DAB1: variants seen among roughly 807,000 people sequenced by gnomAD.
The protein encoded by DAB1 is disabled homolog 1.
DAB1 carries 15 observed loss-of-function variants against 64.6 expected under a neutral mutation model. The ratio of observed to expected loss-of-function variants is 0.23; its 90% CI spans 0.16 to 0.36. DAB1 has a LOEUF of 0.36. Among genes scored for constraint, DAB1 ranks in the 10% least tolerant of loss-of-function variants. The pLI is 1.00. For missense variants in DAB1, 596 were observed against 706.7 expected (o/e 0.84, Z 1.78); for synonymous variants, 235 against 251.9 (o/e 0.93, Z 0.64).
At chr1:58,523,354 A>G (rs1297829110) in intron 2 of DAB1, among the ~76,000 whole-genome samples, 2 of 152,124 alleles carry the variant, frequency 1.3e-5, no homozygotes, top group Non-Finnish European at 2.9e-5. Context: ...GGCTTTTTCT[A>G]TAACAATGAT....
chr1:58,144,726 A>T (rs887078939), intron 5 of DAB1, among the ~76,000 whole-genome samples: 4 of 152,228 alleles, frequency 2.6e-5, no homozygotes, highest in African/African-American at 9.7e-5. Flanking sequence ...AGGTTTGGTG[A>T]TACACCCGGG....
intron 1 of DAB1, among the ~76,000 whole-genome samples, chr1:57,394,543 A>T (rs11207026): frequency 0.37 from 56,646 of 152,160 alleles, 10,993 homozygotes; most frequent in Non-Finnish European, 0.43. Context: ...TGTTAGAATT[A>T]GGGATTCGCA....
intron 4 of DAB1, among the ~76,000 whole-genome samples, chr1:58,284,545 G>A (rs570004848): frequency 2.0e-5 from 3 of 152,370 alleles, no homozygotes; most frequent in African/African-American, 7.2e-5. Context: ...GCCTTACCTT[G>A]TGCCCATGGC....
At chr1:57,660,934 A>T (rs1646379114) in intron 6 of DAB1, among the ~76,000 whole-genome samples, 1 of 152,158 alleles carries the variant, frequency 6.6e-6, no homozygotes, top group African/African-American at 2.4e-5. Context: ...AACTTTCCAC[A>T]TGCAAACGTG....
At chr1:57,649,205 T>A (rs1027692726) in intron 7 of DAB1, among the ~76,000 whole-genome samples, 1 of 152,294 alleles carries the variant, frequency 6.6e-6, no homozygotes, top group East Asian at 1.9e-4. Flanking sequence ...TATATTAAAA[T>A]GGGCAGTGGG....
chr1:57,879,293 C>T (rs1202821), intron 1 of DAB1, among the ~76,000 whole-genome samples: 18,875 of 152,150 alleles, frequency 0.12, 1,369 homozygotes, highest in East Asian at 0.27. Context: ...GGTCCCTAAA[C>T]ATCTCCCAAG....
upstream of DAB1, among the ~76,000 whole-genome samples, chr1:57,425,667 G>T (rs1196129692): frequency 1.3e-5 from 2 of 152,232 alleles, no homozygotes; most frequent in Admixed American, 1.3e-4. Flanking sequence ...TAAGGTCATA[G>T]CAGGATGCAA....
At chr1:58,509,117 G>C (rs1281826503) in intron 2 of DAB1, among the ~76,000 whole-genome samples, 8 of 152,102 alleles carry the variant, frequency 5.3e-5, no homozygotes, top group Non-Finnish European at 1.0e-4. Context: ...CTAAGAGGTT[G>C]CTGTTTTTTC....
In DAB1 at chr1:57,117,229, T is replaced by C. The variant is rs531919743; in HGVS notation, c.306+19314A>G. On this transcript the variant is annotated intron_variant, in intron 4 of 14. Coordinates refer to ENST00000371236, the MANE Select transcript of DAB1 (RefSeq NM_001365792.1). The stretch of plus-strand genomic sequence containing the variant: ...CTGCATATAAAAAAGCGCTTTTCAA[T>C]TGGCAAGGACAAAGGAGACACTCTA... 5.1e-4 allele frequency among the ~76,000 whole-genome samples: 78 copies of C among 152,350 alleles called. 1 individual carries two copies. The highest frequency in any genetic ancestry group is 1.9e-3 in the African/African-American group (78 of 41,584).
chr1:57,666,693 A>T (rs12733706), intron 6 of DAB1, among the ~76,000 whole-genome samples: 1 of 152,164 alleles, frequency 6.6e-6, no homozygotes, highest in Admixed American at 6.5e-5. Flanking sequence ...TCATAGTCCA[A>T]CCACTTCTCA....
chr1:57,185,061 G>A (rs1663390910), intron 2 of DAB1, among the ~76,000 whole-genome samples: 2 of 151,992 alleles, frequency 1.3e-5, no homozygotes, highest in Admixed American at 1.3e-4. Flanking sequence ...TGATCTTCTT[G>A]AGACCACCAA....
chr1:57,924,220 T>C (rs563494410), intron 5 of DAB1, among the ~76,000 whole-genome samples: 2 of 152,340 alleles, frequency 1.3e-5, no homozygotes, highest in South Asian at 4.1e-4. Context: ...AGATGAGCCA[T>C]GCACCTCAAG....
chr1:58,388,300 A>T (rs769792530), intron 3 of DAB1, among the ~76,000 whole-genome samples: 2 of 152,340 alleles, frequency 1.3e-5, no homozygotes, highest in South Asian at 4.1e-4. Context: ...AACATCCCAG[A>T]TTCTCTTATA....
At chr1:57,765,211 C>T (rs138913250) in intron 6 of DAB1, among the ~76,000 whole-genome samples, 1 of 152,108 alleles carries the variant, frequency 6.6e-6, no homozygotes, top group Admixed American at 6.6e-5. Flanking sequence ...AACTTTTAAA[C>T]ACGCTATGTT....
rs566923450 is a variant in DAB1 at position 57,864,072 on chromosome 1, C to T, written n.87+19927G>A. 2.6e-4 allele frequency among the ~76,000 whole-genome samples: 39 copies of T among 152,132 alleles called. 1 individual carries two copies. In the South Asian group the frequency reaches 4.4e-3, roughly 17 times the overall value. On this transcript the variant is annotated intron_variant and non_coding_transcript_variant, in intron 1 of 1. Transcript: ENST00000477280. Reference sequence around the variant, plus strand: ...TATCAGGAGGTGATGTGTGCTAGGACGAAAAAGGAGAGCAGAGTAAGGAGT... The same window carrying T: ...TATCAGGAGGTGATGTGTGCTAGGATGAAAAAGGAGAGCAGAGTAAGGAGT...
At position 57,261,359 on chromosome 1, in the gene DAB1, G is replaced by A. The variant is rs182557215; in HGVS notation, c.67+29605C>T. ...ATGCTAGAGGTTAAAAGGCCTTTCA[G>A]AGGTCTCAGGGCAATTTCTCCCTCG... is the stretch of plus-strand genomic sequence containing the variant. On this transcript the variant is annotated intron_variant, in intron 2 of 14. Transcript: ENST00000371236. Among the ~76,000 whole-genome samples the A allele has an allele frequency of 5.7e-3, 863 of 152,214 alleles. 6 individuals carry two copies. The highest frequency in any genetic ancestry group is 0.017 in the Middle Eastern group (5 of 294).
chr1:57,102,562 C>CA (rs1438092941), intron 4 of DAB1, among the ~76,000 whole-genome samples: 1 of 152,030 alleles, frequency 6.6e-6, no homozygotes, highest in Non-Finnish European at 1.5e-5. Flanking sequence ...TTAAAACAAA[C>CA]AAAAAAATCT....
intron 6 of DAB1, among the ~76,000 whole-genome samples, chr1:57,678,913 C>T (rs1044339088): frequency 3.5e-5 from 5 of 144,652 alleles, no homozygotes; most frequent in African/African-American, 5.2e-5. Context: ...ACTACAAGCG[C>T]CTGCCACCAT....
intron 7 of DAB1, among the ~76,000 whole-genome samples, chr1:57,642,852 G>C (rs543701596): frequency 3.9e-5 from 6 of 152,172 alleles, no homozygotes; most frequent in Non-Finnish European, 8.8e-5. Flanking sequence ...CATAATGTCT[G>C]CTAATATCTC....
Sources: allele counts gnomAD v4.1 joint callset (sites outside exome capture counted in the v4.1 genomes callset), GRCh38; gene constraint gnomAD v4.1.1; transcripts MANE v1.5; gene names NCBI Gene and HGNC (gene_info 2026-07-23, HGNC 2026-07-21).